The following BCKDHB variants were observed in gnomAD, a reference collection of about 807,000 sequenced individuals.
BCKDHB encodes branched chain keto acid dehydrogenase E1 subunit beta.
BCKDHB carries 41 observed loss-of-function variants against 48.5 expected under a neutral mutation model. The ratio of observed to expected loss-of-function variants is 0.85; its 90% CI spans 0.66 to 1.10. BCKDHB has a LOEUF of 1.10. Ranked by LOEUF, BCKDHB falls within the 50% of genes least tolerant of loss-of-function variation. The pLI, the probability that BCKDHB is intolerant of heterozygous loss-of-function variation, is 0.00. For synonymous variants in BCKDHB, 201 were observed against 174.8 expected (o/e 1.15, Z -1.18); for missense variants, 496 against 494.2 (o/e 1.00, Z -0.03).
At chr6:80,328,556 A>G (rs552257654) in intron 9 of BCKDHB, among the ~76,000 whole-genome samples, 2 of 152,352 alleles carry the variant, frequency 1.3e-5, no homozygotes, top group Non-Finnish European at 2.9e-5. Flanking sequence ...AGATCAGTGC[A>G]TATCTAGAGG....
the BCKDHB span, among the ~76,000 whole-genome samples, chr6:80,381,879 G>T: frequency 6.6e-6 from 1 of 151,968 alleles, no homozygotes; most frequent in African/African-American, 2.4e-5. Context: ...GTAATCCTCT[G>T]AGGCATGAAG....
At chr6:80,355,948 GA>G in the BCKDHB span, 1 of 152,214 alleles carries the variant, frequency 6.6e-6, no homozygotes, top group South Asian at 2.1e-4. Flanking sequence ...TCTGGAGGTA[GA>G]AAAATCCTTC....
At chr6:80,264,201 A>G (rs1777419369) in intron 8 of BCKDHB, among the ~76,000 whole-genome samples, 1 of 152,192 alleles carries the variant, frequency 6.6e-6, no homozygotes. Flanking sequence ...GGCAACATAT[A>G]TAGTACAACC....
chr6:80,411,990 T>C, the BCKDHB span, among the ~76,000 whole-genome samples: 2 of 152,266 alleles, frequency 1.3e-5, no homozygotes, highest in African/African-American at 4.8e-5. Context: ...CCCAGTGAGA[T>C]GAACAAGGTA....
chr6:80,248,405 AT>A (rs966767779), intron 8 of BCKDHB, among the ~76,000 whole-genome samples: 3 of 152,088 alleles, frequency 2.0e-5, no homozygotes, highest in African/African-American at 7.2e-5. Context: ...TTTCTCTAGT[AT>A]TTTTTGAGCT....
the BCKDHB span, among the ~76,000 whole-genome samples, chr6:80,413,188 C>T: frequency 4.6e-5 from 7 of 152,034 alleles, no homozygotes; most frequent in African/African-American, 1.7e-4. Context: ...TTTCTTTACT[C>T]CTTTTTAAAA....
intron 8 of BCKDHB, among the ~76,000 whole-genome samples, chr6:80,259,870 T>G (rs1199809107): frequency 2.0e-5 from 3 of 152,176 alleles, no homozygotes; most frequent in Non-Finnish European, 2.9e-5. Context: ...GTAGGTAACC[T>G]CTGGGACCAT....
chr6:80,433,043 C>A, the BCKDHB span, among the ~76,000 whole-genome samples: 1 of 152,154 alleles, frequency 6.6e-6, no homozygotes, highest in Non-Finnish European at 1.5e-5. Flanking sequence ...AGCTTCGTCT[C>A]AGAGGGGCAC....
chr6:80,323,221 C>G (rs971110854), intron 9 of BCKDHB, among the ~76,000 whole-genome samples: 1 of 152,100 alleles, frequency 6.6e-6, no homozygotes, highest in Non-Finnish European at 1.5e-5. Context: ...TAGGTGTTAG[C>G]TGTCTGTTTG....
the BCKDHB span, among the ~76,000 whole-genome samples, chr6:80,405,977 G>A: frequency 1.3e-5 from 2 of 151,912 alleles, no homozygotes; most frequent in Non-Finnish European, 2.9e-5. Flanking sequence ...CCCTCCTCCA[G>A]GCCCCCGCCC....
At chr6:80,193,953 A>G (rs1774020995) in intron 6 of BCKDHB, among the ~76,000 whole-genome samples, 1 of 152,158 alleles carries the variant, frequency 6.6e-6, no homozygotes, top group African/African-American at 2.4e-5. Context: ...TAAATAGAAT[A>G]CCAAATGTGG....
chr6:80,270,536 A>G (rs1777693430), intron 8 of BCKDHB, among the ~76,000 whole-genome samples: 1 of 151,886 alleles, frequency 6.6e-6, no homozygotes, highest in Admixed American at 6.6e-5. Context: ...CTTTTATTGT[A>G]TTTTTCCTCT....
chr6:80,383,054 CAT>C, the BCKDHB span, among the ~76,000 whole-genome samples: 3 of 152,136 alleles, frequency 2.0e-5, no homozygotes, highest in Non-Finnish European at 2.9e-5. Context: ...CTCTGTTCCA[CAT>C]GTTCTGCATT....
At chr6:80,139,597 A>G (rs1489132415) in intron 3 of BCKDHB, among the ~76,000 whole-genome samples, 1 of 151,844 alleles carries the variant, frequency 6.6e-6, no homozygotes, top group African/African-American at 2.4e-5. Context: ...CAGGTTTGTC[A>G]AAGATCAGAT....
chr6:80,410,501 T>TA, the BCKDHB span, among the ~76,000 whole-genome samples: 3 of 152,178 alleles, frequency 2.0e-5, no homozygotes, highest in African/African-American at 7.2e-5. Context: ...CCTGCCCTGC[T>TA]AGTTTGGAGT....
intron 8 of BCKDHB, among the ~76,000 whole-genome samples, chr6:80,255,186 T>G (rs1776999273): frequency 6.6e-6 from 1 of 152,238 alleles, no homozygotes; most frequent in Non-Finnish European, 1.5e-5. Flanking sequence ...GTTTTATACC[T>G]TATTGTACTT....
At chr6:80,208,022 T>G (rs1048767708) in intron 8 of BCKDHB, among the ~76,000 whole-genome samples, 1 of 151,818 alleles carries the variant, frequency 6.6e-6, no homozygotes, top group Non-Finnish European at 1.5e-5. Context: ...TTGTCCTAAT[T>G]GTGCACCAAA....
chr6:80,236,570 T>C (rs1422698566), intron 8 of BCKDHB, among the ~76,000 whole-genome samples: 1 of 152,212 alleles, frequency 6.6e-6, no homozygotes. Flanking sequence ...ATTTCAAATG[T>C]TTAACATATA....
intron 6 of BCKDHB, among the ~76,000 whole-genome samples, chr6:80,198,199 A>G (rs767503249): frequency 7.2e-5 from 11 of 152,194 alleles, no homozygotes; most frequent in East Asian, 5.8e-4. Context: ...GTGTAAATCA[A>G]TGGCATGGTT....
Sources: allele counts gnomAD v4.1 joint callset (sites outside exome capture counted in the v4.1 genomes callset), GRCh38; gene constraint gnomAD v4.1.1; transcripts MANE v1.5; gene names NCBI Gene and HGNC (gene_info 2026-07-23, HGNC 2026-07-21).